SPTBN2: variants seen among roughly 807,000 people sequenced by gnomAD.
The protein encoded by SPTBN2 is spectrin beta chain, non-erythrocytic 2.
Under a neutral mutation model 284.2 loss-of-function variants are expected in SPTBN2, and 107 were observed. The ratio of observed to expected loss-of-function variants is 0.38; its 90% CI spans 0.32 to 0.44. The LOEUF (loss-of-function observed/expected upper bound fraction) is 0.44. SPTBN2 is among the 20% of genes least tolerant of loss of function. SPTBN2 has a pLI of 1.00. For missense variants in SPTBN2, 2,569 were observed against 3,287.1 expected (o/e 0.78, Z 5.34); for synonymous variants, 1,289 against 1,354.8 (o/e 0.95, Z 1.07).
Position 66,689,808 on chromosome 11 carries a change from C to A in SPTBN2, c.5946G>T (p.Glu1982Asp). Residue 1982 changes from glutamate (E) to aspartate (D), a missense_variant, in exon 29 of 38, where the codon GAG becomes GAT. Physicochemically the swap from Glu to Asp is conservative, Grantham distance 45. Coordinates refer to ENST00000533211, the MANE Select transcript of SPTBN2 (RefSeq NM_006946.4). ...ELLARSHYAA[E>D]EISEKLSQLQ... The stretch of plus-strand genomic sequence containing the variant: ...CGGCCACCCAGGCCTCACCCACCTC[C>A]TCGGCCGCATAGTGGCTCCTGGCCA... The A allele has an allele frequency of 6.2e-7, 1 of 1,613,626 alleles. No homozygotes were observed.
Position 66,699,595 on chromosome 11 carries a change from G to T in SPTBN2, c.3587C>A (p.Ser1196Tyr). The T allele has an allele frequency of 6.2e-7, 1 of 1,614,084 alleles. No individual in the cohort carries two copies. Among genetic ancestry groups the T allele is most frequent in the South Asian group, 1.1e-5 (1 of 91,068 alleles). ...GAGTGTCCCTGGCATCTCCGTGTGA[G>T]ACAGAACATATTCCTGTGTGGGAGG... ...GVLSSQEYVLSHTEMPGTLQA... is the reference protein window; with the variant it reads ...GVLSSQEYVLYHTEMPGTLQA... The change falls in exon 18 of 38, where the codon TCT becomes TAT. Residue 1196 changes from serine to tyrosine, a missense_variant. Ser to Tyr is a moderately radical substitution (Grantham distance 144). This residue lies in a region of SPTBN2 where 1,012 missense variants were observed against 1,248.9 expected (regional missense o/e 0.81). Coordinates refer to ENST00000533211, the MANE Select transcript of SPTBN2 (RefSeq NM_006946.4).
chr11:66,707,692 C>T lies in SPTBN2; in HGVS notation c.1477G>A (p.Ala493Thr), dbSNP rs1025546117. 17 of 1,605,192 alleles carry T rather than the reference C, an allele frequency of 1.1e-5. No individual in the cohort carries two copies. Among genetic ancestry groups the T allele is most frequent in the Non-Finnish European group, 1.4e-5 (16 of 1,179,214 alleles). ...CGCTTGATGTCGTGGTAGCGCTCGG[C>T]GGCCAGCTCTGCAGCCACGGCGTCC... ...AVDAVAAELA[A>T]ERYHDIKRIA... is the part of the protein sequence containing the mutation. The change falls in exon 13 of 38, where the codon GCC becomes ACC. Residue 493 changes from alanine (A) to threonine (T), a missense_variant. Coordinates refer to ENST00000533211, the MANE Select transcript of SPTBN2 (RefSeq NM_006946.4). The surrounding 1 kb of genome is among the most constrained non-coding windows in gnomAD (Gnocchi z 4.9).
chr11:66,744,402 C>G (rs975696447), intron 1 of SPTBN2: 2 of 155,352 alleles, frequency 1.3e-5, no homozygotes, highest in Non-Finnish European at 2.9e-5. Context: ...CGTCGCCCCT[C>G]CCGGCCGAGG....
intron 8 of SPTBN2, chr11:66,713,060 C>T (rs571235907): frequency 1.3e-5 from 2 of 156,694 alleles, no homozygotes; most frequent in Non-Finnish European, 2.8e-5. Flanking sequence ...CCCTTAGAGA[C>T]CAATTCTCTC....
rs1168243204 is a variant in SPTBN2, at chr11:66,705,392, C to T, written c.1884G>A (p.Glu628=). ...KLEQSYEALC[E]LAAARRARLE... is the part of the protein sequence containing the mutation. ...GCCGGGCCCGCCGCGCCGCTGCCAACTCGCACAGTGCCTCATAGCTCTGCT... is the reference window on the plus strand; with the variant it reads ...GCCGGGCCCGCCGCGCCGCTGCCAATTCGCACAGTGCCTCATAGCTCTGCT... Residue 628 remains glutamate (E), a synonymous_variant, in exon 15 of 38, where the codon GAG becomes GAA. Transcript: ENST00000533211. 9 of 1,612,986 alleles carry T rather than the reference C, an allele frequency of 5.6e-6. No individual in the cohort carries two copies. Among genetic ancestry groups the T allele is most frequent in the Admixed American group, 1.7e-5 (1 of 60,032 alleles).
At chr11:66,731,360 G>A (rs1030187666), upstream of SPTBN2, among the ~76,000 whole-genome samples, 3 of 152,182 alleles carry the variant, frequency 2.0e-5, no homozygotes, top group Admixed American at 1.3e-4. Context: ...TCTTATTTGA[G>A]TTGCAAAAGC....
intron 25 of SPTBN2, 34 bp downstream of exon 25, chr11:66,692,935 AC>A: frequency 6.3e-7 from 1 of 1,599,044 alleles, no homozygotes. Flanking sequence ...AGCCGGCTCC[AC>A]CCCCAGGCTG....
rs1442176641 is a variant in SPTBN2 at position 66,682,614 on chromosome 11, T to C, written c.*3257A>G. On this transcript the variant is annotated 3_prime_UTR_variant, in exon 38 of 38. Coordinates refer to ENST00000533211, the MANE Select transcript of SPTBN2 (RefSeq NM_006946.4). Reference sequence around the variant, plus strand: ...AGTTGTTGTCCTCTTCCATGCTTCATACCTGGTGTTTCAGAGTCATGACAC... The same window carrying C: ...AGTTGTTGTCCTCTTCCATGCTTCACACCTGGTGTTTCAGAGTCATGACAC... 1.3e-5 allele frequency among the ~76,000 whole-genome samples: 2 copies of C among 152,240 alleles called. No individual in the cohort carries two copies. The highest frequency in any genetic ancestry group is 2.9e-5 in the Non-Finnish European group (2 of 68,030).
At position 66,701,156 on chromosome 11, in the gene SPTBN2, G is replaced by T; in HGVS notation, c.2943C>A (p.Ile981=). 2 of 1,613,136 alleles carry T rather than the reference G, an allele frequency of 1.2e-6. No homozygotes were observed. The highest frequency in any genetic ancestry group is 1.7e-6 in the Non-Finnish European group (2 of 1,180,038). Reference sequence around the variant, plus strand: ...CGTTGCCTAGGCCCTGGGTGGACTCGATGACTTTGGTCTTCTCTCTCATCC... The same window carrying T: ...CGTTGCCTAGGCCCTGGGTGGACTCTATGACTTTGGTCTTCTCTCTCATCC... The part of the protein sequence containing the change: ...QAWMREKTKV[I]ESTQGLGNDL... The change falls in exon 17 of 38, where the codon ATC becomes ATA. Residue 981 remains isoleucine, a synonymous_variant. Coordinates refer to ENST00000533211, the MANE Select transcript of SPTBN2 (RefSeq NM_006946.4).
intron 8 of SPTBN2, chr11:66,713,147 C>T (rs1941962811): frequency 5.0e-6 from 1 of 199,960 alleles, no homozygotes; most frequent in Non-Finnish European, 1.0e-5. Flanking sequence ...TGTGCTCTGC[C>T]TGGGACACAA....
chr11:66,691,150 T>C lies in SPTBN2; in HGVS notation c.5565+134A>G, dbSNP rs771690277. On this transcript the variant is annotated intron_variant, in intron 27 of 37. Coordinates refer to ENST00000533211, the MANE Select transcript of SPTBN2 (RefSeq NM_006946.4). The surrounding 1 kb of genome is among the most constrained non-coding windows in gnomAD (Gnocchi z 8.0). ...ATGTTTTCTTGGAGCAATTTCCTCA[T>C]CTCGAAATGGCCCTCGAAAGAGTGC... The C allele has an allele frequency of 1.1e-5, 15 of 1,307,590 alleles. No homozygotes were observed. Among genetic ancestry groups the C allele is most frequent in the African/African-American group, 1.5e-5 (1 of 66,950 alleles). 81.0% of individuals were successfully genotyped at this position (1,307,590 alleles called of 1,614,324 possible).
In SPTBN2 at chr11:66,693,095, C is replaced by T; in HGVS notation, c.4860G>A (p.Glu1620=). Residue 1620 remains glutamate (E), a synonymous_variant, in exon 25 of 38, where the codon GAG becomes GAA. Transcript: ENST00000533211. The surrounding 1 kb of genome is among the most constrained non-coding windows in gnomAD (Gnocchi z 5.7). ...HMMGQEKAKD[E]LSAQAEVKKH... ...TCTTCACCTCTGCCTGGGCACTCAG[C>T]TCATCCTGGGGGAAGGGACAGTGGC... 1 of 1,614,190 alleles carries T rather than the reference C, an allele frequency of 6.2e-7. No homozygotes were observed. The highest frequency in any genetic ancestry group is 8.5e-7 in the Non-Finnish European group (1 of 1,180,038).
In SPTBN2 at chr11:66,683,733, C is replaced by G. The variant is rs548366897; in HGVS notation, c.*2138G>C. On this transcript the variant is annotated 3_prime_UTR_variant, in exon 38 of 38. Transcript: ENST00000533211. ...GTGTCGTGTTAAAATAATCATTTCT[C>G]TATTAATTTCTCCATATACATTTCC... is the stretch of plus-strand genomic sequence containing the variant. 6.6e-6 allele frequency among the ~76,000 whole-genome samples: 1 copy of G among 152,366 alleles called. No homozygotes were observed. Among genetic ancestry groups the G allele is most frequent in the South Asian group, 2.1e-4 (1 of 4,832 alleles).
intron 13 of SPTBN2, 82 bp from the exon 14 acceptor site, chr11:66,705,919 C>T (rs1941531915): frequency 3.9e-6 from 6 of 1,544,274 alleles, no homozygotes; most frequent in Non-Finnish European, 5.2e-6. Flanking sequence ...AACTTCTCCA[C>T]GGCCCCAGGT....
chr11:66,688,114 C>T (rs753024097), intron 32 of SPTBN2, 35 bp from the exon 33 acceptor site: 3 of 1,613,778 alleles, frequency 1.9e-6, no homozygotes, highest in South Asian at 2.2e-5. Flanking sequence ...AATCATTAGT[C>T]CCTGGGTGGC....
intron 1 of SPTBN2, among the ~76,000 whole-genome samples, chr11:66,727,293 T>C (rs1207835562): frequency 6.6e-6 from 1 of 152,188 alleles, no homozygotes; most frequent in African/African-American, 2.4e-5. Flanking sequence ...TGTTGCTACC[T>C]CTGCCCATAC....
chr11:66,689,530 G>A (rs749113491), intron 29 of SPTBN2, among the ~76,000 whole-genome samples: 9 of 151,618 alleles, frequency 5.9e-5, no homozygotes, highest in Non-Finnish European at 8.8e-5. Context: ...TCTCGAACTC[G>A]TGACCTCAGG....
Position 66,708,318 on chromosome 11 carries a change from G to C in SPTBN2, c.1192-19C>G. 6.4e-7 allele frequency: 1 copy of C among 1,567,958 alleles called. No individual in the cohort carries two copies. The highest frequency in any genetic ancestry group is 1.2e-5 in the South Asian group (1 of 85,232). On this transcript the variant is annotated intron_variant, in intron 11 of 37. Transcript: ENST00000533211. This position sits in a 1 kb window ranked among gnomAD's most constrained non-coding sequence, Gnocchi z 4.4. ...CCCAAGCCTATGGGGTGGGGACAGG[G>C]TTAGTGGAAGGGACAGGGTGGGGAG...
At chr11:66,739,781 C>G (rs998248941) in intron 1 of SPTBN2, among the ~76,000 whole-genome samples, 4 of 152,244 alleles carry the variant, frequency 2.6e-5, no homozygotes, top group African/African-American at 9.6e-5. Flanking sequence ...GTAATCCCCC[C>G]AGCACTTTAG....
Sources: gnomAD v4.1 joint callset for allele counts (sites outside exome capture counted in the v4.1 genomes callset) on GRCh38, gnomAD v4.1.1 for gene constraint, gnomAD v4.1.1 regional missense constraint, Gnocchi (gnomAD v3.1) non-coding constraint, MANE v1.5 for transcripts, NCBI Gene and HGNC (gene_info 2026-07-23, HGNC 2026-07-21) for gene names.